Variants in JAZF1 observed in about 807,000 individuals in gnomAD.
JAZF1 encodes the protein juxtaposed with another zinc finger protein 1.
JAZF1 carries 8 observed loss-of-function variants against 26.4 expected under a neutral mutation model. The ratio of observed to expected loss-of-function variants is 0.30; its 90% CI spans 0.18 to 0.55. JAZF1 has a LOEUF of 0.55. JAZF1 is among the 20% of genes least tolerant of loss of function. The pLI is 0.94. For missense variants in JAZF1, 199 were observed against 322.0 expected (o/e 0.62, Z 2.92); for synonymous variants, 126 against 122.3 (o/e 1.03, Z -0.20).
At chr7:27,979,929 T>C (rs1785549039) in intron 2 of JAZF1, among the ~76,000 whole-genome samples, 1 of 152,212 alleles carries the variant, frequency 6.6e-6, no homozygotes, top group Non-Finnish European at 1.5e-5. Flanking sequence ...ACTGGTTACC[T>C]CTCTCATAGA....
At chr7:28,165,865 A>G (rs1355234157) in intron 1 of JAZF1, among the ~76,000 whole-genome samples, 1 of 152,186 alleles carries the variant, frequency 6.6e-6, no homozygotes, top group Non-Finnish European at 1.5e-5. Context: ...TGCTTCTTCC[A>G]TGAGCATGAG....
chr7:27,846,651 G>T (rs1161759909), intron 3 of JAZF1: 1 of 415,680 alleles, frequency 2.4e-6, no homozygotes, highest in Admixed American at 2.7e-5. Flanking sequence ...GTCTGAATGG[G>T]TGTGCTCTTT....
intron 2 of JAZF1, chr7:27,914,910 G>A (rs1784420071): frequency 2.2e-6 from 1 of 455,956 alleles, no homozygotes; most frequent in Non-Finnish European, 4.5e-6. Context: ...ATTCATGGCA[G>A]TAACCAGAGC....
At chr7:28,104,665 T>C (rs1310774571) in intron 1 of JAZF1, among the ~76,000 whole-genome samples, 1 of 152,216 alleles carries the variant, frequency 6.6e-6, no homozygotes, top group African/African-American at 2.4e-5. Context: ...ACTTTATTTA[T>C]TTCAGTACCA....
chr7:28,122,610 GA>G (rs891666507), intron 1 of JAZF1, among the ~76,000 whole-genome samples: 1 of 152,178 alleles, frequency 6.6e-6, no homozygotes, highest in African/African-American at 2.4e-5. Flanking sequence ...CTGGGCCTGA[GA>G]TGTCAATGCG....
At chr7:28,172,355 T>C (rs981546949) in intron 1 of JAZF1, among the ~76,000 whole-genome samples, 2 of 152,222 alleles carry the variant, frequency 1.3e-5, no homozygotes, top group Admixed American at 1.3e-4. Flanking sequence ...CTTTCACATA[T>C]GAGCCATAAA....
chr7:28,139,796 A>G (rs1782936054), intron 1 of JAZF1, among the ~76,000 whole-genome samples: 1 of 152,226 alleles, frequency 6.6e-6, no homozygotes, highest in South Asian at 2.1e-4. Flanking sequence ...AGGATCCACT[A>G]AACGACTAGG....
chr7:28,081,645 G>A (rs182145114), intron 1 of JAZF1, among the ~76,000 whole-genome samples: 80 of 152,152 alleles, frequency 5.3e-4, no homozygotes, highest in East Asian at 1.4e-3. Flanking sequence ...CAGAAGCCTC[G>A]ACACCACCAG....
intron 1 of JAZF1, among the ~76,000 whole-genome samples, chr7:28,101,923 T>G (rs1784477990): frequency 6.6e-6 from 1 of 152,178 alleles, no homozygotes; most frequent in African/African-American, 2.4e-5. Context: ...TGCTTTTAGA[T>G]ATATTTTTAA....
At chr7:28,060,529 T>A (rs1483813356) in intron 1 of JAZF1, among the ~76,000 whole-genome samples, 1 of 152,240 alleles carries the variant, frequency 6.6e-6, no homozygotes, top group African/African-American at 2.4e-5. Context: ...AAGCTGAATG[T>A]TTTTCTGACC....
intron 2 of JAZF1, among the ~76,000 whole-genome samples, chr7:27,939,853 T>A (rs1007954606): frequency 6.6e-6 from 1 of 151,978 alleles, no homozygotes; most frequent in African/African-American, 2.4e-5. Flanking sequence ...CATCACGGGG[T>A]CTACACATGA....
At chr7:28,115,963 A>G (rs955911906) in intron 1 of JAZF1, among the ~76,000 whole-genome samples, 1 of 152,190 alleles carries the variant, frequency 6.6e-6, no homozygotes, top group Non-Finnish European at 1.5e-5. Context: ...TTCCATATCA[A>G]CGTATGAAGA....
At chr7:28,088,662 G>C (rs1266528971) in intron 1 of JAZF1, among the ~76,000 whole-genome samples, 2 of 152,136 alleles carry the variant, frequency 1.3e-5, no homozygotes, top group Non-Finnish European at 2.9e-5. Context: ...CCAAAGAAAA[G>C]GGGGCCTGTC....
At chr7:27,841,250 A>C in intron 3 of JAZF1, 1 of 182,090 alleles carries the variant, frequency 5.5e-6, no homozygotes, top group Admixed American at 5.8e-5. Context: ...AGTGCCTGAC[A>C]CTCCCAAATG....
chr7:27,880,635 G>C (rs945187492), intron 3 of JAZF1, among the ~76,000 whole-genome samples: 1 of 152,108 alleles, frequency 6.6e-6, no homozygotes, highest in Non-Finnish European at 1.5e-5. Flanking sequence ...CATCTCGGGG[G>C]ATGGTGGGGA....
At chr7:27,914,255 G>A (rs1274807722) in intron 2 of JAZF1, among the ~76,000 whole-genome samples, 1 of 152,204 alleles carries the variant, frequency 6.6e-6, no homozygotes, top group Non-Finnish European at 1.5e-5. Context: ...GGAGGTACCT[G>A]TACGTGGGCT....
intron 1 of JAZF1, among the ~76,000 whole-genome samples, chr7:28,169,818 C>G (rs1330787232): frequency 6.6e-6 from 1 of 152,186 alleles, no homozygotes; most frequent in African/African-American, 2.4e-5. Flanking sequence ...TTTGCCATTA[C>G]TTTCATAATT....
chr7:28,039,335 C>T (rs1000177248), intron 1 of JAZF1, among the ~76,000 whole-genome samples: 48 of 152,058 alleles, frequency 3.2e-4, no homozygotes, highest in African/African-American at 1.0e-3. Flanking sequence ...ATCTTGCAAC[C>T]GGGGAAACTG....
At chr7:27,846,350 CGT>C (rs74847888) in intron 3 of JAZF1, among the ~76,000 whole-genome samples, 32,643 of 151,414 alleles carry the variant, frequency 0.22, 4,564 homozygotes, top group East Asian at 0.51. Flanking sequence ...TATATATACA[CGT>C]ATACGTGTAC....
Sources: gnomAD v4.1 joint callset for allele counts (sites outside exome capture counted in the v4.1 genomes callset) on GRCh38, gnomAD v4.1.1 for gene constraint, MANE v1.5 for transcripts, NCBI Gene and HGNC (gene_info 2026-07-23, HGNC 2026-07-21) for gene names.